Variants in PTBP3 observed in about 807,000 individuals in gnomAD.
PTBP3 encodes the protein polypyrimidine tract binding protein 3, also known as polypyrimidine tract-binding protein 3.
Under a neutral mutation model 58.7 loss-of-function variants are expected in PTBP3, and 20 were observed. The observed-to-expected ratio is 0.34, with a 90% CI of 0.24 to 0.50. The LOEUF (loss-of-function observed/expected upper bound fraction) is 0.50. Ranked by LOEUF, PTBP3 falls within the 20% of genes least tolerant of loss-of-function variation. The probability of loss-of-function intolerance (pLI) is 0.98; values close to 1 mark genes in which losing one functional copy is unlikely to be tolerated. For missense variants in PTBP3, 509 were observed against 637.2 expected (o/e 0.80, Z 2.17); for synonymous variants, 185 against 219.8 (o/e 0.84, Z 1.40).
the PTBP3 span, among the ~76,000 whole-genome samples, chr9:112,342,779 C>T: frequency 8.5e-6 from 1 of 117,760 alleles, no homozygotes; most frequent in East Asian, 3.0e-4. Flanking sequence ...AACGTGTAGG[C>T]ATGGGCTGAT....
rs1178743635 is a variant in PTBP3 at position 112,227,541 on chromosome 9, C to G, written c.1234G>C (p.Glu412Gln). Residue 412 changes from glutamate (E) to glutamine (Q), a missense_variant, in exon 12 of 14, where the codon GAG (glutamate) becomes CAG (glutamine). Physicochemically the swap from Glu to Gln is conservative, Grantham distance 29 (BLOSUM62 2). Around this residue, in one of 4 missense-constraint regions of PTBP3, gnomAD observed 135 missense variants for 229.0 expected, o/e 0.59. Transcript: ENST00000374257. ...GTCAGACCTTGGTCTTCTTGTCCCT[C>G]TCGAGGAAGCTGTACTGCTTGATGT... is the stretch of plus-strand genomic sequence containing the variant. ...SKHQAVQLPR[E>Q]GQEDQGLTKD... The G allele has an allele frequency of 6.2e-7, 1 of 1,613,972 alleles. No individual in the cohort carries two copies.
At chr9:112,369,894 T>A in the PTBP3 span, among the ~76,000 whole-genome samples, 1 of 152,112 alleles carries the variant, frequency 6.6e-6, no homozygotes, top group Non-Finnish European at 1.5e-5. Context: ...TAGGGGCCAG[T>A]TTTCCCATGC....
At chr9:112,354,508 C>T in the PTBP3 span, among the ~76,000 whole-genome samples, 33 of 152,280 alleles carry the variant, frequency 2.2e-4, no homozygotes, top group African/African-American at 7.0e-4. Flanking sequence ...TCCATACCAC[C>T]CCCCTGGGGG....
intron 2 of PTBP3, among the ~76,000 whole-genome samples, chr9:112,286,546 A>G (rs899894169): frequency 6.6e-6 from 1 of 151,978 alleles, no homozygotes; most frequent in Non-Finnish European, 1.5e-5. Flanking sequence ...ACCTCAGTAC[A>G]CTGTAAGAAC....
chr9:112,285,987 AATTAG>A (rs767436390), intron 2 of PTBP3, among the ~76,000 whole-genome samples: 1 of 152,212 alleles, frequency 6.6e-6, no homozygotes, highest in Non-Finnish European at 1.5e-5. Context: ...GAAACTAGGT[AATTAG>A]ATTAAACAGA....
chr9:112,219,071 T>C lies in PTBP3; in HGVS notation c.*4780A>G, dbSNP rs1278659768. ...TAAGTAGTCTATTCAGCAGTAGAAA[T>C]TGAAAGTAAAGGCCGCTCTGCACTG... On this transcript the variant is annotated 3_prime_UTR_variant, in exon 14 of 14. Transcript: ENST00000374257. 1 of 152,572 alleles carries C rather than the reference T, an allele frequency of 6.6e-6. No homozygotes were observed. The highest frequency in any genetic ancestry group is 1.5e-5 in the Non-Finnish European group (1 of 68,036). 9.5% of individuals were successfully genotyped at this position (152,572 alleles called of 1,614,324 possible).
chr9:112,352,148 TG>T, the PTBP3 span, among the ~76,000 whole-genome samples: 504 of 152,120 alleles, frequency 3.3e-3, 1 homozygote, highest in African/African-American at 0.011. Flanking sequence ...CTCCAACTCC[TG>T]GGGCTCAAGC....
At chr9:112,305,935 G>C (rs759517863) in intron 1 of PTBP3, among the ~76,000 whole-genome samples, 1 of 151,924 alleles carries the variant, frequency 6.6e-6, no homozygotes, top group Non-Finnish European at 1.5e-5. Context: ...GCGAGACTCT[G>C]TCTCAAAAAA....
At chr9:112,224,544 T>C (rs1287009826) in intron 12 of PTBP3, among the ~76,000 whole-genome samples, 2 of 152,262 alleles carry the variant, frequency 1.3e-5, no homozygotes, top group Non-Finnish European at 2.9e-5. Context: ...TCAACTGTAG[T>C]ACTTCCAAAG....
chr9:112,314,752 A>T (rs996479366), intron 1 of PTBP3, among the ~76,000 whole-genome samples: 3 of 152,236 alleles, frequency 2.0e-5, no homozygotes, highest in Non-Finnish European at 4.4e-5. Flanking sequence ...AGAAATTTCA[A>T]TATTTCTCTT....
At chr9:112,377,863 T>C in the PTBP3 span, among the ~76,000 whole-genome samples, 1 of 152,246 alleles carries the variant, frequency 6.6e-6, no homozygotes, top group Non-Finnish European at 1.5e-5. Context: ...CTTCCCCCTT[T>C]GCTCCTACAT....
At chr9:112,326,325 G>GT (rs1830155768) in intron 1 of PTBP3, among the ~76,000 whole-genome samples, 1 of 152,210 alleles carries the variant, frequency 6.6e-6, no homozygotes, top group Admixed American at 6.5e-5. Context: ...GGGCCAGAGA[G>GT]TAAGTATTTT....
chr9:112,266,522 G>A (rs894570144), intron 4 of PTBP3, among the ~76,000 whole-genome samples: 3 of 151,978 alleles, frequency 2.0e-5, no homozygotes, highest in Non-Finnish European at 2.9e-5. Context: ...TGTCTTCCAC[G>A]GCAATATACA....
At chr9:112,336,187 T>C (rs1426459411), upstream of PTBP3, among the ~76,000 whole-genome samples, 1 of 152,154 alleles carries the variant, frequency 6.6e-6, no homozygotes, top group Non-Finnish European at 1.5e-5. Context: ...TAATTTCATT[T>C]CATAATTTAA....
chr9:112,284,901 C>T (rs1006628259), intron 2 of PTBP3, among the ~76,000 whole-genome samples: 1 of 152,134 alleles, frequency 6.6e-6, no homozygotes, highest in African/African-American at 2.4e-5. Flanking sequence ...TTTATAGGCT[C>T]ATAGGCAGAA....
intron 3 of PTBP3, among the ~76,000 whole-genome samples, chr9:112,271,763 A>G (rs1161664014): frequency 6.6e-6 from 1 of 152,182 alleles, no homozygotes; most frequent in African/African-American, 2.4e-5. Flanking sequence ...AAAAAGAAAA[A>G]GAAAATAGTT....
At chr9:112,375,764 G>C in the PTBP3 span, among the ~76,000 whole-genome samples, 1 of 152,232 alleles carries the variant, frequency 6.6e-6, no homozygotes, top group East Asian at 1.9e-4. Flanking sequence ...CCACTTTATG[G>C]CTAGATGGGT....
intron 2 of PTBP3, among the ~76,000 whole-genome samples, chr9:112,295,807 A>T (rs1481738218): frequency 6.6e-6 from 1 of 152,176 alleles, no homozygotes; most frequent in Admixed American, 6.5e-5. Context: ...TAATACCAAA[A>T]AATGATCAAC....
chr9:112,249,777 C>A (rs1488631478), intron 7 of PTBP3, among the ~76,000 whole-genome samples: 3 of 151,482 alleles, frequency 2.0e-5, no homozygotes, highest in Non-Finnish European at 4.4e-5. Flanking sequence ...TAAGTGAATT[C>A]TTAAATTTGA....
Sources: allele counts gnomAD v4.1 joint callset (sites outside exome capture counted in the v4.1 genomes callset), GRCh38; gene constraint gnomAD v4.1.1; regional missense constraint gnomAD v4.1.1; transcripts MANE v1.5; gene names NCBI Gene and HGNC (gene_info 2026-07-23, HGNC 2026-07-21).